The following CLIP2 variants were observed in gnomAD, a reference collection of about 807,000 sequenced individuals.
The protein encoded by CLIP2 is CAP-Gly domain containing linker protein 2.
A neutral mutation model predicts 111.7 loss-of-function variants in CLIP2; 41 were observed. The ratio of observed to expected loss-of-function variants is 0.37; its 90% CI spans 0.29 to 0.48. The LOEUF is 0.48. Ranked by LOEUF, CLIP2 falls within the 20% of genes least tolerant of loss-of-function variation. CLIP2 has a pLI of 0.99. For synonymous variants in CLIP2, 660 were observed against 644.2 expected (o/e 1.02, Z -0.37); for missense variants, 1,160 against 1,422.1 (o/e 0.82, Z 2.96).
chr7:74,354,091 G>A (rs537374682), intron 4 of CLIP2, 87 bp downstream of exon 4: 26 of 1,456,994 alleles, frequency 1.8e-5, no homozygotes, highest in Non-Finnish European at 2.4e-5. Flanking sequence ...ATTGGAGGAA[G>A]CGAGTGTCCA....
At chr7:74,345,646 G>C (rs578041656) in intron 3 of CLIP2, among the ~76,000 whole-genome samples, 133 of 151,972 alleles carry the variant, frequency 8.8e-4, no homozygotes, top group African/African-American at 3.1e-3. Flanking sequence ...AGACCAACCT[G>C]GCCAACATGG....
In CLIP2 at chr7:74,318,488, G is replaced by A. The variant is rs540799643; in HGVS notation, c.121+821G>A. Among the ~76,000 whole-genome samples the A allele has an allele frequency of 3.9e-5, 6 of 152,244 alleles. No individual in the cohort carries two copies. The South Asian group carries it at 8.3e-4, about 21-fold the overall frequency. On this transcript the variant is annotated intron_variant, in intron 2 of 16. Transcript: ENST00000223398. ...AGCACTTTGGGAGGCCGAGGTGGAAGGATCACTTGAGGTCAGGAGTTCAAG... is the reference window on the plus strand; with the variant it reads ...AGCACTTTGGGAGGCCGAGGTGGAAAGATCACTTGAGGTCAGGAGTTCAAG...
intron 13 of CLIP2, among the ~76,000 whole-genome samples, chr7:74,395,766 A>G (rs10949838): frequency 0.5 from 76,089 of 152,004 alleles, 19,074 homozygotes; most frequent in Middle Eastern, 0.57. Context: ...CTTTGGTGAC[A>G]GTGATGTCAC....
chr7:74,317,457 A>T, intron 1 of CLIP2, 23 bp from the exon 2 acceptor site: 1 of 1,306,856 alleles, frequency 7.7e-7, no homozygotes. Flanking sequence ...TGATGATGTG[A>T]TCTCTCCTGT....
Position 74,340,671 on chromosome 7 carries a change from CTG to C in CLIP2, c.678+1671_678+1672del, listed in dbSNP as rs537558598. Among the ~76,000 whole-genome samples the C allele has an allele frequency of 1.1e-4, 17 of 152,238 alleles. 1 individual carries two copies. The South Asian group carries it at 3.5e-3, about 32-fold the overall frequency. On this transcript the variant is annotated intron_variant, in intron 3 of 16. Transcript: ENST00000223398. ...TGGTAGTCAGGTGGATGGGACAGGG[CTG>C]TGTCTTGCTGTCCAGCCAGGCTGTG... is the stretch of plus-strand genomic sequence containing the variant.
intron 6 of CLIP2, among the ~76,000 whole-genome samples, chr7:74,357,871 C>G (rs1790194187): frequency 2.0e-5 from 3 of 151,454 alleles, no homozygotes; most frequent in Admixed American, 2.0e-4. Context: ...ATTCTCCTGC[C>G]TCAGCCTCTT....
intron 1 of CLIP2, among the ~76,000 whole-genome samples, chr7:74,316,061 T>C (rs1788762868): frequency 9.2e-6 from 1 of 109,196 alleles, no homozygotes. Context: ...CAGGCCCCAT[T>C]GTGTTGTTCC....
At chr7:74,380,954 C>T (rs1554313798) in intron 11 of CLIP2, 91 bp downstream of exon 11, 1 of 1,275,332 alleles carries the variant, frequency 7.8e-7, no homozygotes. Flanking sequence ...TGGTTTGCAT[C>T]ATCTGCCATT....
At chr7:74,392,700 G>GCC (rs1330986342) in intron 13 of CLIP2, among the ~76,000 whole-genome samples, 10 of 152,046 alleles carry the variant, frequency 6.6e-5, no homozygotes, top group Admixed American at 6.6e-4. Flanking sequence ...GGTGAAGCAC[G>GCC]CCTGTAATCC....
intron 2 of CLIP2, among the ~76,000 whole-genome samples, chr7:74,332,641 G>T (rs192914648): frequency 1.3e-5 from 2 of 152,136 alleles, no homozygotes; most frequent in Admixed American, 1.3e-4. Flanking sequence ...AGGCTTCTCT[G>T]AGGAGGTGAG....
chr7:74,303,559 G>C lies in CLIP2; in HGVS notation c.-68+13825G>C, dbSNP rs1323066164. On this transcript the variant is annotated intron_variant, in intron 1 of 16. Coordinates refer to ENST00000223398, the MANE Select transcript of CLIP2 (RefSeq NM_003388.5). ...TGCCTCTTGGTGGCTGTGCAGTGGA[G>C]ATAATGTTTCCTTCTCCCTCCCCTT... 3.3e-5 allele frequency among the ~76,000 whole-genome samples: 5 copies of C among 151,602 alleles called. No homozygotes were observed. The East Asian group carries it at 9.7e-4, about 29-fold the overall frequency.
At chr7:74,373,656 G>T (rs782262096) in intron 9 of CLIP2, among the ~76,000 whole-genome samples, 1 of 152,072 alleles carries the variant, frequency 6.6e-6, no homozygotes. Context: ...CAGTCTCCCC[G>T]ATGCATTGCC....
intron 11 of CLIP2, among the ~76,000 whole-genome samples, chr7:74,382,514 A>G (rs1317187819): frequency 1.6e-5 from 2 of 121,272 alleles, no homozygotes; most frequent in African/African-American, 3.2e-5. Context: ...GAGTTTCACT[A>G]TGTTGGCCAG....
chr7:74,338,539 G>A lies in CLIP2; in HGVS notation c.213G>A (p.Val71=), dbSNP rs138612948. ...AGCCGGGCCCCAAGGCGGCGGAAGTGGGGGATGACTTCCTGGGGGACTTTG... is the reference window on the plus strand; with the variant it reads ...AGCCGGGCCCCAAGGCGGCGGAAGTAGGGGATGACTTCCTGGGGGACTTTG... ...PEKPGPKAAE[V]GDDFLGDFVV... Residue 71 remains valine (V), a synonymous_variant, in exon 3 of 17, where the codon GTG becomes GTA. Transcript: ENST00000223398. This position sits in a 1 kb window ranked among gnomAD's most constrained non-coding sequence, Gnocchi z 4.3. The A allele has an allele frequency of 6.2e-7, 1 of 1,601,374 alleles. No homozygotes were observed. The highest frequency in any genetic ancestry group is 1.3e-5 in the African/African-American group (1 of 74,564).
chr7:74,350,748 T>C (rs554389028), intron 3 of CLIP2, among the ~76,000 whole-genome samples: 1 of 151,996 alleles, frequency 6.6e-6, no homozygotes, highest in Admixed American at 6.6e-5. Flanking sequence ...TGTTCTGTAA[T>C]CTCAGCTACT....
chr7:74,304,540 C>A (rs1436166749), intron 1 of CLIP2, among the ~76,000 whole-genome samples: 2 of 136,574 alleles, frequency 1.5e-5, no homozygotes, highest in African/African-American at 2.6e-5. Flanking sequence ...ACCTGGGCGA[C>A]AGAGGGAGAC....
chr7:74,375,856 C>G (rs782325841), intron 9 of CLIP2, 31 bp from the exon 10 acceptor site: 1 of 1,470,788 alleles, frequency 6.8e-7, no homozygotes, highest in Admixed American at 2.4e-5. Context: ...CCAGCCAGCC[C>G]GCTGATCCCT....
At chr7:74,393,656 A>G (rs1375031553) in intron 13 of CLIP2, among the ~76,000 whole-genome samples, 6 of 152,064 alleles carry the variant, frequency 3.9e-5, no homozygotes, top group East Asian at 1.9e-4. Context: ...ATTTCAACCC[A>G]AGTTAAAGGA....
chr7:74,339,298 C>CTTATTTATTTATTTATTTATTTAT (rs3044358), intron 3 of CLIP2, among the ~76,000 whole-genome samples: 7 of 150,240 alleles, frequency 4.7e-5, no homozygotes, highest in Non-Finnish European at 1.0e-4. Flanking sequence ...ACTTATTTTA[C>CTTATTTATTTATTTATTTATTTAT]TTATTTATTT....
Sources: gnomAD v4.1 joint callset for allele counts (sites outside exome capture counted in the v4.1 genomes callset) on GRCh38, gnomAD v4.1.1 for gene constraint, Gnocchi (gnomAD v3.1) non-coding constraint, MANE v1.5 for transcripts, NCBI Gene and HGNC (gene_info 2026-07-23, HGNC 2026-07-21) for gene names.